The following ZNF20 variants were observed in gnomAD, a reference collection of about 807,000 sequenced individuals.
The protein encoded by ZNF20 is zinc finger protein 20.
ZNF20 carries 9 observed loss-of-function variants against 11.0 expected under a neutral mutation model. That is an observed-to-expected ratio of 0.82 (90% CI 0.49 to 1.43). The LOEUF (loss-of-function observed/expected upper bound fraction) is 1.43, where lower values mean the gene tolerates loss of function less well. Among genes scored for constraint, ZNF20 ranks in the 40% most tolerant of loss-of-function variants. The pLI, the probability that ZNF20 is intolerant of heterozygous loss-of-function variation, is 0.00. For synonymous variants in ZNF20, 182 were observed against 213.0 expected, an observed-to-expected ratio of 0.85 and a Z score of 1.27; for missense variants, 528 against 640.8, an observed-to-expected ratio of 0.82 and a Z score of 1.90.
At position 12,136,432 on chromosome 19, in the gene ZNF20, A is replaced by C. The variant is rs372520371; in HGVS notation, c.4-528T>G. The stretch of plus-strand genomic sequence containing the variant: ...CGCAGTGGCTCATGCCTATAATCCC[A>C]GCACTTTGGGAGGCCAAGGTGGGCG... On this transcript the variant is annotated intron_variant, in intron 1 of 3. Transcript: ENST00000334213. 2.5e-4 allele frequency among the ~76,000 whole-genome samples: 38 copies of C among 152,178 alleles called. 1 individual carries two copies. The East Asian group carries it at 5.6e-3, about 22-fold the overall frequency.
chr19:12,135,901 A>G lies in ZNF20; in HGVS notation c.7T>C (p.Phe3Leu), dbSNP rs371353654. ...TCCTCAAAGGCCACTGAATCCTGAAACATCTCACATATATAAAAGAGGACA... is the reference window on the plus strand; with the variant it reads ...TCCTCAAAGGCCACTGAATCCTGAAGCATCTCACATATATAAAAGAGGACA... MM[F>L]QDSVAFEDVA... is the part of the protein sequence containing the mutation. The change falls in exon 2 of 4, where the codon TTT becomes CTT. Residue 3 changes from phenylalanine (F) to leucine (L), a missense_variant. Transcript: ENST00000334213. The G allele has an allele frequency of 8.7e-6, 14 of 1,613,786 alleles. No individual in the cohort carries two copies. Among genetic ancestry groups the G allele is most frequent in the Non-Finnish European group, 1.1e-5 (13 of 1,179,960 alleles).
chr19:12,132,692 C>T lies in ZNF20; in HGVS notation c.1494G>A (p.Arg498=). 1 of 1,614,094 alleles carries T rather than the reference C, an allele frequency of 6.2e-7. No individual in the cohort carries two copies. Among genetic ancestry groups the T allele is most frequent in the Non-Finnish European group, 8.5e-7 (1 of 1,179,996 alleles). The change falls in exon 4 of 4, where the codon AGG becomes AGA. Residue 498 remains arginine (R), a synonymous_variant. Coordinates refer to ENST00000334213, the MANE Select transcript of ZNF20 (RefSeq NM_021143.4). The part of the protein sequence containing the change: ...FISNYIRYHE[R]THTGEKPYQC... ...GATAGGGTTTCTCTCCAGTGTGAGT[C>T]CTTTCATGATATCGAATGTAATTGG...
chr19:12,133,435 CTGTG>C lies in ZNF20; in HGVS notation c.747_750del (p.His249GlnfsTer3). On this transcript the variant is annotated frameshift_variant, in exon 4 of 4. Transcript: ENST00000334213. LOFTEE classifies it low-confidence loss of function (END_TRUNC). ...TCTTTACATTCATCGGCATTCACTC[CTGTG>C]TGAGTTCTTTCATGTACTGGAAGGG... 6.2e-7 allele frequency: 1 copy of C among 1,614,058 alleles called. No homozygotes were observed. The highest frequency in any genetic ancestry group is 8.5e-7 in the Non-Finnish European group (1 of 1,179,930).
intron 2 of ZNF20, 22 bp from the exon 3 acceptor site, chr19:12,135,582 A>C: frequency 6.2e-7 from 1 of 1,610,370 alleles, no homozygotes; most frequent in Non-Finnish European, 8.5e-7. Context: ...ACCCGGAGAA[A>C]ACACAGATCC....
chr19:12,138,799 A>C (rs1385950305), intron 1 of ZNF20, among the ~76,000 whole-genome samples: 1 of 152,124 alleles, frequency 6.6e-6, no homozygotes, highest in Non-Finnish European at 1.5e-5. Context: ...AGCCTGGGCA[A>C]CAAGAGCGAA....
chr19:12,134,993 GC>G (rs1976687204), intron 3 of ZNF20, among the ~76,000 whole-genome samples: 1 of 151,960 alleles, frequency 6.6e-6, no homozygotes, highest in South Asian at 2.1e-4. Context: ...TGGTCTGAAA[GC>G]CCCAAAGGAC....
rs765425722 is a variant in ZNF20 at position 12,139,461 on chromosome 19, T to G, written c.3+719A>C. Among the ~76,000 whole-genome samples the G allele has an allele frequency of 1.3e-5, 2 of 152,188 alleles. No homozygotes were observed. The highest frequency in any genetic ancestry group is 4.8e-5 in the African/African-American group (2 of 41,440). On this transcript the variant is annotated intron_variant, in intron 1 of 3. Transcript: ENST00000334213. This position sits in a 1 kb window ranked among gnomAD's most constrained non-coding sequence, Gnocchi z 4.0. ...CAAAATGCAATTCTTCTTAAAACTT[T>G]CTGGTACCAAAACCACAAATCATGA...
rs993653509 is a variant in ZNF20 at position 12,132,454 on chromosome 19, G to A, written c.*133C>T. 1 of 875,904 alleles carries A rather than the reference G, an allele frequency of 1.1e-6. No individual in the cohort carries two copies. Among genetic ancestry groups the A allele is most frequent in the Non-Finnish European group, 1.7e-6 (1 of 574,572 alleles). 54.3% of individuals were successfully genotyped at this position (875,904 alleles called of 1,614,324 possible). On this transcript the variant is annotated 3_prime_UTR_variant, in exon 4 of 4. Transcript: ENST00000334213. The stretch of plus-strand genomic sequence containing the variant: ...CATCCAAGTTCTTCTAGATTTTATT[G>A]TCCTATCGCAAGTCTCTCTTCTCAA...
In ZNF20 at chr19:12,139,967, C is replaced by T. The variant is rs1239703528; in HGVS notation, c.3+213G>A. 6.6e-6 allele frequency among the ~76,000 whole-genome samples: 1 copy of T among 152,186 alleles called. No homozygotes were observed. The highest frequency in any genetic ancestry group is 2.4e-5 in the African/African-American group (1 of 41,454). The stretch of plus-strand genomic sequence containing the variant: ...TCCAGGGTCGGGGCCCACAGTCGCC[C>T]GCGCAGGAACAGAACAGGAGGACGC... On this transcript the variant is annotated intron_variant, in intron 1 of 3. Coordinates refer to ENST00000334213, the MANE Select transcript of ZNF20 (RefSeq NM_021143.4). The surrounding 1 kb of genome is among the most constrained non-coding windows in gnomAD (Gnocchi z 4.0).
rs552968109 is a variant in ZNF20, at chr19:12,139,479, A to T, written c.3+701T>A. On this transcript the variant is annotated intron_variant, in intron 1 of 3. Coordinates refer to ENST00000334213, the MANE Select transcript of ZNF20 (RefSeq NM_021143.4). The surrounding 1 kb of genome is among the most constrained non-coding windows in gnomAD (Gnocchi z 4.0). ...AAAACTTTCTGGTACCAAAACCACAAATCATGACTGGGCGTTTCTCACTCA... is the reference window on the plus strand; with the variant it reads ...AAAACTTTCTGGTACCAAAACCACATATCATGACTGGGCGTTTCTCACTCA... 1.2e-4 allele frequency among the ~76,000 whole-genome samples: 18 copies of T among 152,270 alleles called. No homozygotes were observed. The highest frequency in any genetic ancestry group is 4.3e-4 in the African/African-American group (18 of 41,550).
intron 1 of ZNF20, 139 bp downstream of exon 1, chr19:12,140,041 C>A: frequency 8.5e-7 from 1 of 1,169,616 alleles, no homozygotes; most frequent in Non-Finnish European, 1.2e-6. Flanking sequence ...CGAGGGGACG[C>A]AGGGACGAGC....
intron 3 of ZNF20, among the ~76,000 whole-genome samples, 182 bp from the exon 4 acceptor site, chr19:12,134,167 T>G (rs781513799): frequency 3.3e-5 from 5 of 151,302 alleles, no homozygotes; most frequent in Non-Finnish European, 7.4e-5. Flanking sequence ...CTACTAAAAA[T>G]GCAAAAATTA....
rs113573694 is a variant in ZNF20, at chr19:12,135,162, C to T, written c.200+338G>A. Reference sequence around the variant, plus strand: ...TCTCACTTTTTTTTTTTTTTTGAGACGGAGTCTCGCTCTGTCACCCAGGCT... The same window carrying T: ...TCTCACTTTTTTTTTTTTTTTGAGATGGAGTCTCGCTCTGTCACCCAGGCT... On this transcript the variant is annotated intron_variant, in intron 3 of 3. Coordinates refer to ENST00000334213, the MANE Select transcript of ZNF20 (RefSeq NM_021143.4). Among the ~76,000 whole-genome samples the T allele has an allele frequency of 3.4e-3, 486 of 142,476 alleles. 3 individuals are homozygous for T. Among genetic ancestry groups the T allele is most frequent in the East Asian group, 0.014 (67 of 4,920 alleles). 93.5% of individuals were successfully genotyped at this position (142,476 alleles called of 152,430 possible). A position where few individuals can be genotyped will look rare whatever the true frequency, so the allele number is the denominator to read the frequency against.
In ZNF20 at chr19:12,139,533, A is replaced by AT. The variant is rs550020752; in HGVS notation, c.3+646dup. Among the ~76,000 whole-genome samples, 2,411 of 145,782 alleles carry AT rather than the reference A, an allele frequency of 0.017. 18 individuals are homozygous for AT. Among genetic ancestry groups the AT allele is most frequent in the Middle Eastern group, 0.021 (6 of 280 alleles). ...ATCGCTGTTTGCTCAAACTCTTTAA[A>AT]TTTTTTTTTTTTTTTGAGATGGAAT... is the stretch of plus-strand genomic sequence containing the variant. On this transcript the variant is annotated intron_variant, in intron 1 of 3. Coordinates refer to ENST00000334213, the MANE Select transcript of ZNF20 (RefSeq NM_021143.4). The surrounding 1 kb of genome is among the most constrained non-coding windows in gnomAD (Gnocchi z 4.0).
intron 1 of ZNF20, among the ~76,000 whole-genome samples, chr19:12,138,450 A>AG (rs1185717332): frequency 1.3e-5 from 2 of 151,186 alleles, no homozygotes; most frequent in African/African-American, 4.9e-5. Context: ...TCTCTCAAAA[A>AG]AAAAAAAAAA....
In ZNF20 at chr19:12,133,465, T is replaced by A; in HGVS notation, c.721A>T (p.Thr241Ser). The A allele has an allele frequency of 6.2e-7, 1 of 1,614,144 alleles. No homozygotes were observed. The highest frequency in any genetic ancestry group is 8.5e-7 in the Non-Finnish European group (1 of 1,179,992). Reference sequence around the variant, plus strand: ...TGAGTTCTTTCATGTACTGGAAGGGTAGTGGAACGAGTAAAGGCCTTACCA... The same window carrying A: ...TGAGTTCTTTCATGTACTGGAAGGGAAGTGGAACGAGTAAAGGCCTTACCA... Reference protein sequence around the residue: ...QCGKAFTRSTTLPVHERTHTG... With the variant: ...QCGKAFTRSTSLPVHERTHTG... Residue 241 changes from threonine to serine, a missense_variant, in exon 4 of 4, where the codon ACC becomes TCC. Transcript: ENST00000334213.
Position 12,135,911 on chromosome 19 carries a change from T to C in ZNF20, c.4-7A>G, listed in dbSNP as rs778596271. ...CCACTGAATCCTGAAACATCTCACA[T>C]ATATAAAAGAGGACAGGTAAGACTA... On this transcript the variant is annotated splice_region_variant and splice_polypyrimidine_tract_variant and intron_variant, in intron 1 of 3. Coordinates refer to ENST00000334213, the MANE Select transcript of ZNF20 (RefSeq NM_021143.4). The C allele has an allele frequency of 1.2e-6, 2 of 1,613,370 alleles. No individual in the cohort carries two copies. Among genetic ancestry groups the C allele is most frequent in the Non-Finnish European group, 1.7e-6 (2 of 1,179,848 alleles).
chr19:12,136,065 A>C, intron 1 of ZNF20, 161 bp from the exon 2 acceptor site: 8 of 904,348 alleles, frequency 8.8e-6, no homozygotes, highest in Non-Finnish European at 1.2e-5. Flanking sequence ...CCACAAACCA[A>C]CCCTTTTTTT....
intron 1 of ZNF20, among the ~76,000 whole-genome samples, chr19:12,138,539 C>T (rs74681624): frequency 6.6e-6 from 1 of 151,464 alleles, no homozygotes; most frequent in African/African-American, 2.4e-5. Context: ...AGGTTTTTCA[C>T]TGGAGTATCA....
Sources: gnomAD v4.1 joint callset for allele counts (sites outside exome capture counted in the v4.1 genomes callset) on GRCh38, gnomAD v4.1.1 for gene constraint, Gnocchi (gnomAD v3.1) non-coding constraint, MANE v1.5 for transcripts, NCBI Gene and HGNC (gene_info 2026-07-23, HGNC 2026-07-21) for gene names.